The following MYO16 variants were observed in gnomAD, a reference collection of about 807,000 sequenced individuals.
MYO16 encodes myosin XVI.
In MYO16, 94 loss-of-function variants were observed where a neutral mutation model predicts 205.3. That is an observed-to-expected ratio of 0.46 (90% CI 0.39 to 0.54). MYO16 has a LOEUF of 0.54. Ranked by LOEUF, MYO16 falls within the 20% of genes least tolerant of loss-of-function variation. The pLI, the probability that MYO16 is intolerant of heterozygous loss-of-function variation, is 0.00. For missense variants in MYO16, 2,315 were observed against 2,387.5 expected, an observed-to-expected ratio of 0.97 and a Z score of 0.63; for synonymous variants, 988 against 954.0, an observed-to-expected ratio of 1.04 and a Z score of -0.66.
upstream of MYO16, among the ~76,000 whole-genome samples, chr13:108,594,592 C>T (rs1337624215): frequency 6.6e-6 from 1 of 152,222 alleles, no homozygotes; most frequent in Non-Finnish European, 1.5e-5. Flanking sequence ...GAGGATTGGC[C>T]TCAACTGACC....
chr13:108,725,570 G>GT (rs1039565319), intron 3 of MYO16, among the ~76,000 whole-genome samples: 2 of 152,122 alleles, frequency 1.3e-5, no homozygotes, highest in African/African-American at 4.8e-5. Context: ...TGCTCTGTCA[G>GT]TTACACGGTT....
chr13:108,978,334 T>C (rs1035299036), intron 20 of MYO16, among the ~76,000 whole-genome samples: 2 of 152,124 alleles, frequency 1.3e-5, no homozygotes, highest in Non-Finnish European at 2.9e-5. Flanking sequence ...ATGGATCTTA[T>C]TGTTTAGTTT....
At chr13:108,997,195 A>G (rs1484362377) in intron 21 of MYO16, among the ~76,000 whole-genome samples, 1 of 151,870 alleles carries the variant, frequency 6.6e-6, no homozygotes, top group Non-Finnish European at 1.5e-5. Context: ...GGAGAATGAG[A>G]CATGAATATC....
intron 23 of MYO16, among the ~76,000 whole-genome samples, chr13:109,037,213 C>T (rs1221159286): frequency 6.6e-6 from 1 of 152,204 alleles, no homozygotes; most frequent in African/African-American, 2.4e-5. Flanking sequence ...GCCTTGTCTG[C>T]ACTGTTGTGC....
At chr13:108,676,054 G>A (rs1882190187) in intron 2 of MYO16, among the ~76,000 whole-genome samples, 1 of 152,164 alleles carries the variant, frequency 6.6e-6, no homozygotes, top group Non-Finnish European at 1.5e-5. Flanking sequence ...TTTGAATTAA[G>A]AGATATTATC....
At chr13:108,530,492 G>A in the MYO16 span, among the ~76,000 whole-genome samples, 2 of 152,194 alleles carry the variant, frequency 1.3e-5, no homozygotes, top group South Asian at 2.1e-4. Flanking sequence ...CTTTAATAAT[G>A]GCACTGCAAT....
At chr13:108,813,942 T>G (rs61968848) in intron 7 of MYO16, among the ~76,000 whole-genome samples, 1 of 152,088 alleles carries the variant, frequency 6.6e-6, no homozygotes, top group Admixed American at 6.6e-5. Context: ...TGATTTCTAA[T>G]TGGAAGCACA....
In MYO16 at chr13:109,207,753, T is replaced by A. The variant is rs1170422512; in HGVS notation, c.*917T>A. 6.6e-6 allele frequency: 1 copy of A among 152,268 alleles called. No individual in the cohort carries two copies. The highest frequency in any genetic ancestry group is 1.5e-5 in the Non-Finnish European group (1 of 68,048). 9.4% of individuals were successfully genotyped at this position (152,268 alleles called of 1,614,324 possible). A position where few individuals can be genotyped will look rare whatever the true frequency, so the allele number is the denominator to read the frequency against. On this transcript the variant is annotated 3_prime_UTR_variant, in exon 35 of 35. Coordinates refer to ENST00000457511, the MANE Select transcript of MYO16 (RefSeq NM_001198950.3). ...CACAGTACAAATGAGCACGCTGCCA[T>A]GTACTGGTTTGAGCAGTAGGGGCTG...
At chr13:109,167,299 T>C (rs1878714433) in intron 33 of MYO16, 1 of 151,766 alleles carries the variant, frequency 6.6e-6, no homozygotes, top group African/African-American at 2.4e-5. Flanking sequence ...AGCACATGGA[T>C]GAAGCCTGCA....
intron 27 of MYO16, among the ~76,000 whole-genome samples, chr13:109,057,520 A>C (rs1306085754): frequency 6.6e-6 from 1 of 152,070 alleles, no homozygotes; most frequent in Non-Finnish European, 1.5e-5. Flanking sequence ...TTTGGACAGG[A>C]GTCATAGTAG....
the MYO16 span, among the ~76,000 whole-genome samples, chr13:108,586,399 C>CA: frequency 5.9e-5 from 9 of 151,338 alleles, no homozygotes; most frequent in East Asian, 3.9e-4. Flanking sequence ...ATATTAAATT[C>CA]AAAAAAAATA....
chr13:108,847,666 C>A (rs1877591892), intron 10 of MYO16, among the ~76,000 whole-genome samples: 1 of 151,930 alleles, frequency 6.6e-6, no homozygotes, highest in Admixed American at 6.6e-5. Context: ...ATACTAAAGG[C>A]TTGATTTGAC....
intron 4 of MYO16, chr13:108,779,980 C>G (rs41275066): frequency 6.6e-6 from 1 of 152,160 alleles, no homozygotes; most frequent in Admixed American, 6.6e-5. Flanking sequence ...AAGTTTCAGG[C>G]TTTCTGACAG....
chr13:108,592,230 G>A, upstream of MYO16, among the ~76,000 whole-genome samples: 1 of 94,772 alleles, frequency 1.1e-5, no homozygotes, highest in Admixed American at 1.0e-4. Context: ...GGTGGGGGGA[G>A]CTGTGTGTGT....
At chr13:109,135,751 C>G (rs951891122) in intron 31 of MYO16, among the ~76,000 whole-genome samples, 1 of 152,234 alleles carries the variant, frequency 6.6e-6, no homozygotes, top group Admixed American at 6.5e-5. Flanking sequence ...AGCTTTGTGA[C>G]TTTCTTGTGA....
At chr13:109,173,306 T>C (rs1303050675) in intron 33 of MYO16, among the ~76,000 whole-genome samples, 1 of 152,118 alleles carries the variant, frequency 6.6e-6, no homozygotes. Flanking sequence ...GACTGCAAAA[T>C]AAGGCAGTCA....
chr13:108,925,553 C>G (rs1881960142), intron 16 of MYO16, among the ~76,000 whole-genome samples: 1 of 152,132 alleles, frequency 6.6e-6, no homozygotes, highest in Non-Finnish European at 1.5e-5. Flanking sequence ...ACTTTCTCAC[C>G]TAAAGAACCT....
At chr13:109,173,882 C>T (rs1324243020) in intron 33 of MYO16, among the ~76,000 whole-genome samples, 1 of 81,116 alleles carries the variant, frequency 1.2e-5, no homozygotes, top group African/African-American at 6.1e-5. Flanking sequence ...AGCGAGACTC[C>T]ATCTCAAAAA....
the MYO16 span, among the ~76,000 whole-genome samples, chr13:108,543,408 G>A: frequency 2.2e-4 from 34 of 152,116 alleles, no homozygotes; most frequent in African/African-American, 8.0e-4. Flanking sequence ...ACTTTGGAAG[G>A]CCGAGGCGGA....
Sources: gnomAD v4.1 joint callset for allele counts (sites outside exome capture counted in the v4.1 genomes callset) on GRCh38, gnomAD v4.1.1 for gene constraint, MANE v1.5 for transcripts, NCBI Gene and HGNC (gene_info 2026-07-23, HGNC 2026-07-21) for gene names.